CLIP1: variants seen among roughly 807,000 people sequenced by gnomAD.
The protein encoded by CLIP1 is CAP-Gly domain containing linker protein 1, also known as CAP-Gly domain-containing linker protein 1.
Under a neutral mutation model 161.6 loss-of-function variants are expected in CLIP1, and 66 were observed. The observed-to-expected ratio is 0.41, with a 90% CI of 0.33 to 0.50. The LOEUF is 0.50. Among genes scored for constraint, CLIP1 ranks in the 20% least tolerant of loss-of-function variants. The pLI, the probability that CLIP1 is intolerant of heterozygous loss-of-function variation, is 0.27. For synonymous variants in CLIP1, 598 were observed against 626.2 expected (o/e 0.96, Z 0.67); for missense variants, 1,376 against 1,702.0 (o/e 0.81, Z 3.37).
chr12:122,390,655 A>G (rs1306718186), intron 1 of CLIP1, among the ~76,000 whole-genome samples: 1 of 151,860 alleles, frequency 6.6e-6, no homozygotes, highest in East Asian at 1.9e-4. Context: ...TCCAAACTAT[A>G]ATGTGACAAA....
intron 1 of CLIP1, among the ~76,000 whole-genome samples, chr12:122,417,535 C>T (rs1473967882): frequency 8.6e-5 from 9 of 104,726 alleles, no homozygotes; most frequent in East Asian, 3.3e-4. Flanking sequence ...TTTTTTGAAA[C>T]GGAGTCTCGC....
chr12:122,337,252 A>G (rs1247366437), intron 11 of CLIP1, among the ~76,000 whole-genome samples: 1 of 151,962 alleles, frequency 6.6e-6, no homozygotes, highest in Non-Finnish European at 1.5e-5. Flanking sequence ...GTTCAACACC[A>G]GCCTGGCCAA....
chr12:122,350,884 C>T (rs1009217265), intron 9 of CLIP1: 20 of 390,852 alleles, frequency 5.1e-5, no homozygotes, highest in Non-Finnish European at 1.8e-5. Flanking sequence ...ATAAAGCAAA[C>T]GTTGGCCTAT....
At chr12:122,301,179 C>T (rs1204751730) in intron 20 of CLIP1, among the ~76,000 whole-genome samples, 1 of 152,122 alleles carries the variant, frequency 6.6e-6, no homozygotes, top group Non-Finnish European at 1.5e-5. Context: ...AAAAACAATG[C>T]TGTAAAGGAC....
At chr12:122,401,282 G>C (rs1956132142) in intron 1 of CLIP1, among the ~76,000 whole-genome samples, 1 of 152,208 alleles carries the variant, frequency 6.6e-6, no homozygotes, top group Admixed American at 6.5e-5. Flanking sequence ...CCAACACTTT[G>C]GGAGGCTGAG....
chr12:122,377,735 G>A lies in CLIP1; in HGVS notation c.311C>T (p.Ala104Val). The change falls in exon 3 of 26, where the codon GCA becomes GTA. Residue 104 changes from alanine to valine, a missense_variant. By Grantham distance (64) the Ala-to-Val change is moderately conservative. Around this residue, in one of 6 missense-constraint regions of CLIP1, gnomAD observed 27 missense variants for 64.1 expected, o/e 0.42. Transcript: ENST00000620786. Reference protein sequence around the residue: ...EPIGKNDGSVAGVRYFQCEPL... With the variant: ...EPIGKNDGSVVGVRYFQCEPL... ...TTCACACTGGAAATACCGAACTCCT[G>A]CCACCGAACCATCGTTCTTGCCTAT... 2 of 1,613,778 alleles carry A rather than the reference G, an allele frequency of 1.2e-6. No homozygotes were observed. The highest frequency in any genetic ancestry group is 8.5e-7 in the Non-Finnish European group (1 of 1,179,970).
chr12:122,377,999 C>T (rs1182698687), intron 2 of CLIP1, 39 bp from the exon 3 acceptor site: 22 of 1,528,826 alleles, frequency 1.4e-5, no homozygotes, highest in Non-Finnish European at 1.9e-5. Flanking sequence ...ATTTAATTTT[C>T]AAGCAGACAA....
intron 21 of CLIP1, among the ~76,000 whole-genome samples, chr12:122,286,495 T>C (rs1229761557): frequency 2.7e-5 from 3 of 110,480 alleles, no homozygotes; most frequent in African/African-American, 1.1e-4. Flanking sequence ...CACTCCAGCC[T>C]GGGTGATAGA....
chr12:122,329,317 A>G (rs1238584486), intron 15 of CLIP1, among the ~76,000 whole-genome samples: 2 of 151,644 alleles, frequency 1.3e-5, no homozygotes, highest in Non-Finnish European at 1.5e-5. Flanking sequence ...ACAAAGCAAG[A>G]CTCTGCCTCA....
intron 19 of CLIP1, among the ~76,000 whole-genome samples, chr12:122,315,349 C>G (rs759825639): frequency 6.6e-6 from 1 of 152,142 alleles, no homozygotes; most frequent in East Asian, 1.9e-4. Context: ...CCAATGTTCA[C>G]CAGGTGAATT....
intron 19 of CLIP1, among the ~76,000 whole-genome samples, chr12:122,313,919 G>A (rs1951162775): frequency 6.6e-6 from 1 of 152,030 alleles, no homozygotes; most frequent in African/African-American, 2.4e-5. Flanking sequence ...CACTTTGGGA[G>A]GTCAAGGCGG....
chr12:122,392,282 A>C (rs1329657163), intron 1 of CLIP1, among the ~76,000 whole-genome samples: 1 of 152,146 alleles, frequency 6.6e-6, no homozygotes, highest in East Asian at 1.9e-4. Flanking sequence ...AAAACAAAAC[A>C]AAAGAAAGAA....
At chr12:122,363,852 T>C (rs1953999190) in intron 4 of CLIP1, 131 bp downstream of exon 4, 1 of 1,245,658 alleles carries the variant, frequency 8.0e-7, no homozygotes, top group Non-Finnish European at 1.1e-6. Context: ...AATTAGCAGA[T>C]GGGTCTTAGG....
chr12:122,348,735 G>T (rs924686583), intron 9 of CLIP1, among the ~76,000 whole-genome samples: 1 of 152,014 alleles, frequency 6.6e-6, no homozygotes, highest in African/African-American at 2.4e-5. Flanking sequence ...TGTCAGTTAC[G>T]TGCAGTAATT....
intron 1 of CLIP1, among the ~76,000 whole-genome samples, chr12:122,418,556 C>T (rs960968496): frequency 4.0e-5 from 6 of 151,886 alleles, no homozygotes; most frequent in African/African-American, 1.2e-4. Context: ...AGTTCAAGAC[C>T]AGCTTGGGAA....
At chr12:122,360,274 A>C (rs1953707611) in intron 5 of CLIP1, among the ~76,000 whole-genome samples, 2 of 152,180 alleles carry the variant, frequency 1.3e-5, no homozygotes, top group Admixed American at 6.6e-5. Context: ...AATTATTTGA[A>C]GTCAAAGAGA....
In CLIP1 at chr12:122,323,738, G is replaced by C. The variant is rs1038619110; in HGVS notation, c.3249+4209C>G. 6.6e-6 allele frequency: 1 copy of C among 152,662 alleles called. No individual in the cohort carries two copies. Among genetic ancestry groups the C allele is most frequent in the Non-Finnish European group, 1.5e-5 (1 of 68,056 alleles). 9.5% of individuals were successfully genotyped at this position (152,662 alleles called of 1,614,324 possible). A position where few individuals can be genotyped will look rare whatever the true frequency, so the allele number is the denominator to read the frequency against. On this transcript the variant is annotated intron_variant, in intron 17 of 25. Transcript: ENST00000620786. This position sits in a 1 kb window ranked among gnomAD's most constrained non-coding sequence, Gnocchi z 4.1. ...GAGATTGGACAATTTCTCTAAAGCT[G>C]ACTTTTTCTCAGCTGTGAGATCTTC...
chr12:122,332,566 C>T (rs1952026362), intron 15 of CLIP1, among the ~76,000 whole-genome samples: 2 of 152,098 alleles, frequency 1.3e-5, no homozygotes, highest in South Asian at 4.2e-4. Flanking sequence ...GGATTACAGG[C>T]TTGCACCACC....
intron 2 of CLIP1, among the ~76,000 whole-genome samples, chr12:122,378,424 A>G (rs1380288582): frequency 6.6e-6 from 1 of 152,158 alleles, no homozygotes; most frequent in Non-Finnish European, 1.5e-5. Context: ...TTTGTTTTAA[A>G]CAAGGAAGCC....
Sources: gnomAD v4.1 joint callset for allele counts (sites outside exome capture counted in the v4.1 genomes callset) on GRCh38, gnomAD v4.1.1 for gene constraint, gnomAD v4.1.1 regional missense constraint, Gnocchi (gnomAD v3.1) non-coding constraint, MANE v1.5 for transcripts, NCBI Gene and HGNC (gene_info 2026-07-23, HGNC 2026-07-21) for gene names.